Variants in SAMD3 observed in about 807,000 individuals in gnomAD.
SAMD3 encodes the protein sterile alpha motif domain containing 3, also known as sterile alpha motif domain-containing protein 3.
A neutral mutation model predicts 58.5 loss-of-function variants in SAMD3; 63 were observed. The observed-to-expected ratio is 1.08, with a 90% CI of 0.88 to 1.33. The LOEUF is 1.33. SAMD3 is among the 40% of genes most tolerant of loss of function. SAMD3 has a pLI of 0.00. For synonymous variants in SAMD3, 220 were observed against 210.3 expected (o/e 1.05, Z -0.40); for missense variants, 604 against 608.4 (o/e 0.99, Z 0.08).
Position 130,214,497 on chromosome 6 carries a change from C to G in SAMD3, c.109G>C (p.Ala37Pro), listed in dbSNP as rs1343584978. 1 of 1,605,930 alleles carries G rather than the reference C, an allele frequency of 6.2e-7. No homozygotes were observed. Among genetic ancestry groups the G allele is most frequent in the Admixed American group, 1.7e-5 (1 of 58,798 alleles). ...TGCTGAACCATCCGATCATTAAGTGCAAGAAGAGCGGCCCCACTTACTTCT... is the reference window on the plus strand; with the variant it reads ...TGCTGAACCATCCGATCATTAAGTGGAAGAAGAGCGGCCCCACTTACTTCT... ...EEEVSGAALL[A>P]LNDRMVQQLV... Residue 37 changes from alanine to proline, a missense_variant, in exon 4 of 12, where the codon GCA (alanine) becomes CCA (proline). By Grantham distance (27) the Ala-to-Pro change is conservative. Transcript: ENST00000439090.
intron 1 of SAMD3, among the ~76,000 whole-genome samples, chr6:130,322,705 A>C (rs1466579847): frequency 6.6e-6 from 1 of 152,264 alleles, no homozygotes; most frequent in East Asian, 1.9e-4. Flanking sequence ...TTTATGAGCA[A>C]GGTGGAAACC....
At chr6:130,277,693 CA>C (rs1384588893) in intron 2 of SAMD3, among the ~76,000 whole-genome samples, 1 of 152,114 alleles carries the variant, frequency 6.6e-6, no homozygotes, top group African/African-American at 2.4e-5. Flanking sequence ...TTCTCTGAGG[CA>C]CAGGCTTGGT....
intron 8 of SAMD3, 100 bp from the exon 9 acceptor site, chr6:130,155,125 A>AC: frequency 2.4e-6 from 2 of 820,184 alleles, no homozygotes; most frequent in Non-Finnish European, 4.0e-6. Flanking sequence ...TAAGGTGAGT[A>AC]TCACCATACC....
At chr6:130,343,259 C>T (rs190659713) in intron 1 of SAMD3, among the ~76,000 whole-genome samples, 49 of 151,972 alleles carry the variant, frequency 3.2e-4, no homozygotes, top group African/African-American at 1.1e-3. Flanking sequence ...CTCCACAAAT[C>T]GGGATCATAA....
At chr6:130,344,119 A>AT (rs1190866764) in intron 1 of SAMD3, among the ~76,000 whole-genome samples, 2 of 152,126 alleles carry the variant, frequency 1.3e-5, no homozygotes, top group African/African-American at 4.8e-5. Context: ...CAACTTATTT[A>AT]TTTTATTATA....
intron 8 of SAMD3, among the ~76,000 whole-genome samples, chr6:130,157,805 T>A (rs1789925368): frequency 6.6e-6 from 1 of 152,174 alleles, no homozygotes; most frequent in South Asian, 2.1e-4. Context: ...TATTCATAGA[T>A]GATGTGATTG....
In SAMD3 at chr6:130,360,823, G is replaced by A. The variant is rs141743646; in HGVS notation, c.-304+4297C>T. Among the ~76,000 whole-genome samples, 1,287 of 152,276 alleles carry A rather than the reference G, an allele frequency of 8.5e-3. 19 individuals are homozygous for A. The highest frequency in any genetic ancestry group is 0.03 in the African/African-American group (1,227 of 41,538). ...CCACACCCAAGGGGGCCATTTTAGA[G>A]ACCCACCCTCAGGGGCATATTCTCT... On this transcript the variant is annotated intron_variant, in intron 1 of 13. Transcript: ENST00000368134.
chr6:130,219,329 ATT>A (rs35802545), intron 1 of SAMD3, among the ~76,000 whole-genome samples: 2 of 151,452 alleles, frequency 1.3e-5, no homozygotes, highest in Non-Finnish European at 2.9e-5. Flanking sequence ...ACAGGGATTT[ATT>A]TTTTTTTAAT....
chr6:130,153,607 C>T (rs1486311780), intron 9 of SAMD3, among the ~76,000 whole-genome samples: 2 of 140,214 alleles, frequency 1.4e-5, no homozygotes, highest in Non-Finnish European at 3.1e-5. Flanking sequence ...TCTAAGTGAA[C>T]TAAATGGAAG....
intron 2 of SAMD3, among the ~76,000 whole-genome samples, chr6:130,310,027 C>T (rs1054008395): frequency 6.6e-6 from 1 of 152,132 alleles, no homozygotes; most frequent in Non-Finnish European, 1.5e-5. Context: ...CTGAGCATAA[C>T]ACTGCATTTC....
At chr6:130,200,615 T>C (rs1164567353) in intron 5 of SAMD3, among the ~76,000 whole-genome samples, 1 of 145,780 alleles carries the variant, frequency 6.9e-6, no homozygotes, top group Non-Finnish European at 1.5e-5. Context: ...TGTTGCAAAA[T>C]GGTTCAGTAG....
chr6:130,242,354 T>G (rs1773388133), intron 2 of SAMD3, among the ~76,000 whole-genome samples: 1 of 152,236 alleles, frequency 6.6e-6, no homozygotes, highest in African/African-American at 2.4e-5. Context: ...GAATAAAACT[T>G]TATTTACAAA....
At chr6:130,163,977 G>GT (rs1790495506) in intron 8 of SAMD3, among the ~76,000 whole-genome samples, 2 of 151,210 alleles carry the variant, frequency 1.3e-5, no homozygotes, top group South Asian at 4.2e-4. Context: ...TAGGTATAGT[G>GT]TTAATAATTT....
chr6:130,288,712 G>A (rs1015782462), intron 2 of SAMD3, among the ~76,000 whole-genome samples: 2 of 152,210 alleles, frequency 1.3e-5, no homozygotes, highest in Non-Finnish European at 2.9e-5. Flanking sequence ...GGGATGAGAG[G>A]AGGAAATCAA....
At chr6:130,177,727 C>T (rs930619565) in intron 7 of SAMD3, among the ~76,000 whole-genome samples, 2 of 151,872 alleles carry the variant, frequency 1.3e-5, no homozygotes, top group Non-Finnish European at 2.9e-5. Flanking sequence ...TTCTCTTTTC[C>T]CTCCTTCACT....
intron 8 of SAMD3, among the ~76,000 whole-genome samples, chr6:130,166,518 T>C (rs1790749254): frequency 1.3e-5 from 2 of 152,236 alleles, no homozygotes; most frequent in Non-Finnish European, 2.9e-5. Flanking sequence ...GACTTGGGTG[T>C]ATTCTGGGCA....
At chr6:130,210,665 AC>A (rs1795463679) in intron 4 of SAMD3, among the ~76,000 whole-genome samples, 1 of 151,836 alleles carries the variant, frequency 6.6e-6, no homozygotes, top group Non-Finnish European at 1.5e-5. Context: ...ATTTGAATGG[AC>A]CCCTCCTCTC....
At chr6:130,326,341 G>A (rs1193000661) in intron 1 of SAMD3, among the ~76,000 whole-genome samples, 1 of 143,740 alleles carries the variant, frequency 7.0e-6, no homozygotes, top group Non-Finnish European at 1.5e-5. Context: ...TACCTAGGAT[G>A]TTTCCATCTC....
intron 5 of SAMD3, among the ~76,000 whole-genome samples, chr6:130,192,380 G>A (rs546237108): frequency 5.3e-5 from 8 of 152,158 alleles, no homozygotes; most frequent in African/African-American, 9.6e-5. Flanking sequence ...CCAGATGGCC[G>A]GTTTCTGCCT....
Sources: allele counts gnomAD v4.1 joint callset (sites outside exome capture counted in the v4.1 genomes callset), GRCh38; gene constraint gnomAD v4.1.1; transcripts MANE v1.5; gene names NCBI Gene and HGNC (gene_info 2026-07-23, HGNC 2026-07-21).